SLC3A2: variants seen among roughly 807,000 people sequenced by gnomAD.
SLC3A2 encodes amino acid transporter heavy chain SLC3A2.
In SLC3A2, 32 loss-of-function variants were observed where a neutral mutation model predicts 48.5. That is an observed-to-expected ratio of 0.66 (90% CI 0.50 to 0.89). The LOEUF (loss-of-function observed/expected upper bound fraction) is 0.89. Ranked by LOEUF, SLC3A2 falls within the 40% of genes least tolerant of loss-of-function variation. The probability of loss-of-function intolerance (pLI) is 0.00; values close to 1 mark genes in which losing one functional copy is unlikely to be tolerated. For missense variants in SLC3A2, 587 were observed against 680.7 expected, an observed-to-expected ratio of 0.86 and a Z score of 1.53; for synonymous variants, 277 against 288.8, an observed-to-expected ratio of 0.96 and a Z score of 0.41.
chr11:62,876,769 T>G, upstream of SLC3A2: 2 of 316,710 alleles, frequency 6.3e-6, no homozygotes, highest in Non-Finnish European at 1.1e-5. Context: ...ACCTGGCTAA[T>G]TTTTGTATTT....
chr11:62,864,242 T>G (rs567491068), intron 1 of SLC3A2, among the ~76,000 whole-genome samples: 2 of 152,186 alleles, frequency 1.3e-5, no homozygotes, highest in Admixed American at 1.3e-4. Context: ...AGGTCTTACC[T>G]CTTAGGCCAA....
chr11:62,864,838 G>A (rs534967767), intron 1 of SLC3A2, among the ~76,000 whole-genome samples: 16 of 151,540 alleles, frequency 1.1e-4, no homozygotes, highest in African/African-American at 3.6e-4. Context: ...GTGCAATCTC[G>A]GCTCACTGCA....
intron 1 of SLC3A2, among the ~76,000 whole-genome samples, chr11:62,864,191 G>C (rs2085428722): frequency 6.6e-6 from 1 of 152,196 alleles, no homozygotes; most frequent in Non-Finnish European, 1.5e-5. Flanking sequence ...GCTGAAGAGA[G>C]GGAGGGGTTT....
chr11:62,871,042 G>A (rs1330005717), intron 1 of SLC3A2, among the ~76,000 whole-genome samples: 2 of 150,698 alleles, frequency 1.3e-5, no homozygotes, highest in Non-Finnish European at 3.0e-5. Flanking sequence ...CCGCCACCAC[G>A]CCTGGCTAAT....
At chr11:62,874,038 C>T (rs371850176) in intron 1 of SLC3A2, among the ~76,000 whole-genome samples, 3 of 113,758 alleles carry the variant, frequency 2.6e-5, no homozygotes, top group African/African-American at 1.0e-4. Context: ...TTATGTAGAT[C>T]TTCCCTCTGC....
intron 5 of SLC3A2, 89 bp downstream of exon 5, chr11:62,884,779 T>A: frequency 1.1e-6 from 1 of 926,918 alleles, no homozygotes; most frequent in Non-Finnish European, 1.6e-6. Flanking sequence ...ATTCCTAGTC[T>A]AGAGCATTTT....
chr11:62,874,093 C>G (rs1045983141), intron 1 of SLC3A2, among the ~76,000 whole-genome samples: 1 of 141,894 alleles, frequency 7.0e-6, no homozygotes, highest in East Asian at 2.2e-4. Flanking sequence ...GTGCAGGCTG[C>G]GCTTAGTGAT....
intron 1 of SLC3A2, among the ~76,000 whole-genome samples, chr11:62,872,070 G>T (rs770183533): frequency 6.6e-6 from 1 of 151,968 alleles, no homozygotes; most frequent in Non-Finnish European, 1.5e-5. Context: ...ACACCGCCAC[G>T]CCTGGCTAAA....
intron 1 of SLC3A2, among the ~76,000 whole-genome samples, chr11:62,875,275 G>A (rs971492230): frequency 4.6e-5 from 7 of 152,092 alleles, no homozygotes; most frequent in Non-Finnish European, 1.5e-5. Context: ...GGCCGGGCAC[G>A]GTGGCTCACG....
In SLC3A2 at chr11:62,882,777, GC is replaced by G. The variant is rs1472616116; in HGVS notation, c.599-128del. 154 of 747,216 alleles carry G rather than the reference GC, an allele frequency of 2.1e-4. No individual in the cohort carries two copies. In the Admixed American group the frequency reaches 3.1e-3, roughly 15 times the overall value. The allele number at this position is 747,216 out of a possible 1,614,324, so 46.3% of individuals were successfully genotyped here. Reference sequence around the variant, plus strand: ...CATCTGTTTCAATGGAATGAATTTTGCCCGGGTTCAAATTCAAGCTTTTGTA... The same window carrying G: ...CATCTGTTTCAATGGAATGAATTTTGCCGGGTTCAAATTCAAGCTTTTGTA... On this transcript the variant is annotated intron_variant, in intron 2 of 8. Transcript: ENST00000338663.
chr11:62,888,634 G>C lies in SLC3A2; in HGVS notation c.1531G>C (p.Glu511Gln). The change falls in exon 9 of 9, where the codon GAA becomes CAA. Residue 511 changes from glutamate to glutamine, a missense_variant. Transcript: ENST00000338663. ...TGAGGAGGGCTCCCCTCTTGAGCTGGAACGCCTGAAACTGGAGCCTCACGA... is the reference window on the plus strand; with the variant it reads ...TGAGGAGGGCTCCCCTCTTGAGCTGCAACGCCTGAAACTGGAGCCTCACGA... ...GREEGSPLEL[E>Q]RLKLEPHEGL... The C allele has an allele frequency of 6.2e-7, 1 of 1,607,588 alleles. No individual in the cohort carries two copies. The highest frequency in any genetic ancestry group is 8.5e-7 in the Non-Finnish European group (1 of 1,179,886).
At chr11:62,873,613 C>T (rs1477137651) in intron 1 of SLC3A2, among the ~76,000 whole-genome samples, 1 of 152,034 alleles carries the variant, frequency 6.6e-6, no homozygotes, top group African/African-American at 2.4e-5. Context: ...TAGGTGTGAG[C>T]CACCACACCC....
At chr11:62,869,022 C>T (rs1053450487) in intron 1 of SLC3A2, among the ~76,000 whole-genome samples, 2 of 151,894 alleles carry the variant, frequency 1.3e-5, no homozygotes, top group African/African-American at 2.4e-5. Flanking sequence ...CCTCAGCCTC[C>T]CGAATAGCTG....
intron 1 of SLC3A2, chr11:62,871,487 G>T (rs964593794): frequency 2.3e-6 from 1 of 444,396 alleles, no homozygotes; most frequent in Non-Finnish European, 3.9e-6. Flanking sequence ...TTATCCGCCC[G>T]TCTCGGCCTC....
At chr11:62,869,062 C>G (rs1346250111) in intron 1 of SLC3A2, among the ~76,000 whole-genome samples, 2 of 151,814 alleles carry the variant, frequency 1.3e-5, no homozygotes, top group Non-Finnish European at 1.5e-5. Flanking sequence ...CCACGCCCCG[C>G]TAATTTTTGT....
chr11:62,864,201 T>C (rs943907033), intron 1 of SLC3A2, among the ~76,000 whole-genome samples: 3 of 152,198 alleles, frequency 2.0e-5, no homozygotes, highest in Non-Finnish European at 2.9e-5. Flanking sequence ...GGGAGGGGTT[T>C]TAGAGATCTC....
intron 1 of SLC3A2, among the ~76,000 whole-genome samples, chr11:62,867,779 C>T (rs1333961907): frequency 6.6e-6 from 1 of 151,934 alleles, no homozygotes; most frequent in Non-Finnish European, 1.5e-5. Context: ...CCATGCCTGA[C>T]CCCTTTTTTC....
chr11:62,867,572 T>C lies in SLC3A2; in HGVS notation c.112+11191T>C, dbSNP rs183916050. On this transcript the variant is annotated intron_variant, in intron 1 of 9. Coordinates refer to the SLC3A2 transcript ENST00000377889. Reference sequence around the variant, plus strand: ...ATCCCCTGACCTTTTGATCTGCCTATCTCTGCCTCCCAAACTGCTGGGATT... The same window carrying C: ...ATCCCCTGACCTTTTGATCTGCCTACCTCTGCCTCCCAAACTGCTGGGATT... Among the ~76,000 whole-genome samples, 455 of 142,152 alleles carry C rather than the reference T, an allele frequency of 3.2e-3. 3 individuals carry two copies. Among genetic ancestry groups the C allele is most frequent in the African/African-American group, 0.01 (390 of 38,274 alleles). 93.3% of individuals were successfully genotyped at this position (142,152 alleles called of 152,430 possible). A position where few individuals can be genotyped will look rare whatever the true frequency, so the allele number is the denominator to read the frequency against.
chr11:62,859,455 ATC>A (rs1161227864), intron 1 of SLC3A2, among the ~76,000 whole-genome samples: 2 of 152,138 alleles, frequency 1.3e-5, no homozygotes, highest in African/African-American at 4.8e-5. Flanking sequence ...TAACAATCTG[ATC>A]TCTCTTGCTT....
Sources: gnomAD v4.1 joint callset for allele counts (sites outside exome capture counted in the v4.1 genomes callset) on GRCh38, gnomAD v4.1.1 for gene constraint, MANE v1.5 for transcripts, NCBI Gene and HGNC (gene_info 2026-07-23, HGNC 2026-07-21) for gene names.